DCC: variants seen among roughly 807,000 people sequenced by gnomAD.
The protein encoded by DCC is netrin receptor DCC.
DCC carries 58 observed loss-of-function variants against 172.5 expected under a neutral mutation model. That is an observed-to-expected ratio of 0.34 (90% CI 0.27 to 0.42). DCC has a LOEUF of 0.42. Among genes scored for constraint, DCC ranks in the 10% least tolerant of loss-of-function variants. The probability of loss-of-function intolerance (pLI) is 1.00; values close to 1 mark genes in which losing one functional copy is unlikely to be tolerated. For synonymous variants in DCC, 709 were observed against 644.5 expected, an observed-to-expected ratio of 1.10 and a Z score of -1.52; for missense variants, 1,740 against 1,791.0, an observed-to-expected ratio of 0.97 and a Z score of 0.51.
intron 15 of DCC, among the ~76,000 whole-genome samples, chr18:53,382,517 T>A (rs967237830): frequency 6.6e-6 from 1 of 152,104 alleles, no homozygotes; most frequent in Admixed American, 6.5e-5. Context: ...TCCTCACTAA[T>A]TTTTCAGACC....
At chr18:52,983,293 A>G (rs1445888161) in intron 5 of DCC, among the ~76,000 whole-genome samples, 1 of 152,162 alleles carries the variant, frequency 6.6e-6, no homozygotes, top group African/African-American at 2.4e-5. Flanking sequence ...GGAACATTGG[A>G]TGCTTTGCAG....
chr18:53,357,311 G>A (rs1284164918), intron 15 of DCC, among the ~76,000 whole-genome samples: 1 of 152,128 alleles, frequency 6.6e-6, no homozygotes, highest in South Asian at 2.1e-4. Context: ...CTTTTATCCT[G>A]TGGAGAAATG....
At chr18:53,132,537 T>C (rs1326447777) in intron 7 of DCC, among the ~76,000 whole-genome samples, 5 of 152,134 alleles carry the variant, frequency 3.3e-5, no homozygotes. Context: ...TGTGACAAGA[T>C]TATAAAGGTC....
chr18:52,680,606 A>T (rs1299892189), intron 1 of DCC, among the ~76,000 whole-genome samples: 2 of 152,134 alleles, frequency 1.3e-5, no homozygotes, highest in African/African-American at 4.8e-5. Context: ...CAAGGAAGAG[A>T]GGTAGCAGGT....
chr18:53,039,522 GATT>G (rs1046641656), intron 5 of DCC, among the ~76,000 whole-genome samples: 1 of 152,004 alleles, frequency 6.6e-6, no homozygotes, highest in Non-Finnish European at 1.5e-5. Context: ...GCATATTTGT[GATT>G]ATTGTTTTTT....
At chr18:52,393,904 C>T (rs1370813924) in intron 1 of DCC, among the ~76,000 whole-genome samples, 1 of 152,050 alleles carries the variant, frequency 6.6e-6, no homozygotes, top group African/African-American at 2.4e-5. Context: ...GATTCAGGTT[C>T]CATGATTTTT....
chr18:52,721,665 G>T (rs902509567), intron 1 of DCC, among the ~76,000 whole-genome samples: 1 of 152,078 alleles, frequency 6.6e-6, no homozygotes, highest in African/African-American at 2.4e-5. Flanking sequence ...TGCCCCTTAA[G>T]CCCCCTAATT....
chr18:53,370,781 C>A (rs1599074942), intron 15 of DCC, among the ~76,000 whole-genome samples: 1 of 151,824 alleles, frequency 6.6e-6, no homozygotes, highest in East Asian at 1.9e-4. Flanking sequence ...TAGGATATGG[C>A]CTATCCTGGA....
chr18:52,768,990 T>A lies in DCC; in HGVS notation c.412+16616T>A, dbSNP rs144730163. 4.6e-5 allele frequency among the ~76,000 whole-genome samples: 7 copies of A among 151,588 alleles called. No homozygotes were observed. In the East Asian group the frequency reaches 1.4e-3, roughly 29 times the overall value. On this transcript the variant is annotated intron_variant, in intron 2 of 28. Transcript: ENST00000442544. ...ACCATGGCTTCCCAAAAGGATCATA[T>A]GTGGGTTGTCTAGGAAAAAAATGGA... is the stretch of plus-strand genomic sequence containing the variant.
At chr18:52,985,241 A>G (rs968601207) in intron 5 of DCC, among the ~76,000 whole-genome samples, 4 of 151,812 alleles carry the variant, frequency 2.6e-5, no homozygotes, top group South Asian at 4.1e-4. Flanking sequence ...TTTGTCTTTC[A>G]TTTTTGATAT....
chr18:52,725,814 T>C (rs11876570), intron 1 of DCC, among the ~76,000 whole-genome samples: 63,096 of 152,092 alleles, frequency 0.41, 14,149 homozygotes, highest in East Asian at 0.57. Context: ...TACATATCAG[T>C]ATAGATCAGT....
At chr18:53,442,813 A>C (rs1247993402) in intron 22 of DCC, among the ~76,000 whole-genome samples, 3 of 152,244 alleles carry the variant, frequency 2.0e-5, no homozygotes, top group Non-Finnish European at 4.4e-5. Context: ...TATTGCTGAC[A>C]TGAAGAAAGT....
chr18:52,636,889 C>T (rs1469534134), intron 1 of DCC, among the ~76,000 whole-genome samples: 1 of 152,158 alleles, frequency 6.6e-6, no homozygotes, highest in Admixed American at 6.5e-5. Flanking sequence ...AGCATTAAAC[C>T]ACCAAAGCTA....
At chr18:52,544,501 C>G (rs1160346778) in intron 1 of DCC, among the ~76,000 whole-genome samples, 5 of 150,718 alleles carry the variant, frequency 3.3e-5, no homozygotes, top group African/African-American at 1.2e-4. Flanking sequence ...CTGTCTGCTT[C>G]CTGCTGTGAT....
At chr18:52,990,646 A>T (rs533442084) in intron 5 of DCC, among the ~76,000 whole-genome samples, 73 of 151,944 alleles carry the variant, frequency 4.8e-4, no homozygotes, top group African/African-American at 1.3e-3. Flanking sequence ...TCTTGCACAC[A>T]ATTCTCTTAC....
intron 1 of DCC, among the ~76,000 whole-genome samples, chr18:52,746,249 G>A (rs1352787436): frequency 6.6e-6 from 1 of 152,154 alleles, no homozygotes; most frequent in Non-Finnish European, 1.5e-5. Context: ...GGGTTGATAT[G>A]AAGATTCACG....
At position 53,151,064 on chromosome 18, in the gene DCC, T is replaced by C. The variant is rs537220015; in HGVS notation, c.1262-6292T>C. On this transcript the variant is annotated intron_variant, in intron 7 of 28. Coordinates refer to ENST00000442544, the MANE Select transcript of DCC (RefSeq NM_005215.4). ...TTCCCTCTGGGATTTGAAAATGGAT[T>C]GAACAGCTTCTCACCCAGTGCCTTG... Among the ~76,000 whole-genome samples, 9 of 152,324 alleles carry C rather than the reference T, an allele frequency of 5.9e-5. No individual in the cohort carries two copies. The South Asian group carries it at 1.7e-3, about 28-fold the overall frequency.
rs1456930613 is a variant in DCC, at chr18:53,157,446, C to T, written c.1352C>T (p.Pro451Leu). 1.2e-6 allele frequency: 2 copies of T among 1,614,062 alleles called. No individual in the cohort carries two copies. The highest frequency in any genetic ancestry group is 2.7e-5 in the African/African-American group (2 of 74,930). The change falls in exon 8 of 29, where the codon CCA becomes CTA. Residue 451 changes from proline to leucine, a missense_variant. Around this residue, in one of 2 missense-constraint regions of DCC, gnomAD observed 1,732 missense variants for 1,767.4 expected, o/e 0.98. Transcript: ENST00000442544. ...SSRFVRLSWR[P>L]PAEAKGNIQT... ...CGATTTGTCCGTCTCAGCTGGCGCC[C>T]ACCTGCAGAAGCGAAAGGGAACATT...
intron 12 of DCC, among the ~76,000 whole-genome samples, chr18:53,293,406 C>T (rs541854085): frequency 2.4e-4 from 36 of 152,346 alleles, no homozygotes; most frequent in Middle Eastern, 3.4e-3. Flanking sequence ...TTCTGTACAT[C>T]TGTGCCTAGG....
Sources: gnomAD v4.1 joint callset for allele counts (sites outside exome capture counted in the v4.1 genomes callset) on GRCh38, gnomAD v4.1.1 for gene constraint, gnomAD v4.1.1 regional missense constraint, MANE v1.5 for transcripts, NCBI Gene and HGNC (gene_info 2026-07-23, HGNC 2026-07-21) for gene names.